The following SORCS1 variants were observed in gnomAD, a reference collection of about 807,000 sequenced individuals.
SORCS1 encodes the protein VPS10 domain-containing receptor SorCS1.
In SORCS1, 60 loss-of-function variants were observed where a neutral mutation model predicts 146.1. The ratio of observed to expected loss-of-function variants is 0.41; its 90% CI spans 0.33 to 0.51. SORCS1 has a LOEUF of 0.51. Among genes scored for constraint, SORCS1 ranks in the 20% least tolerant of loss-of-function variants. SORCS1 has a pLI of 0.21. For synonymous variants in SORCS1, 637 were observed against 584.0 expected (o/e 1.09, Z -1.31); for missense variants, 1,352 against 1,487.6 (o/e 0.91, Z 1.50).
At chr10:106,965,107 T>TCCCC (rs1208928064) in intron 1 of SORCS1, among the ~76,000 whole-genome samples, 21 of 152,054 alleles carry the variant, frequency 1.4e-4, no homozygotes, top group Middle Eastern at 6.8e-3. Context: ...TGTCCACGTG[T>TCCCC]CCCCTCTGAC....
At position 106,710,532 on chromosome 10, in the gene SORCS1, C is replaced by T. The variant is rs1289755277; in HGVS notation, c.1025-1191G>A. Reference sequence around the variant, plus strand: ...GAATCAGTTGAGACCCTGGATCTCACCTGGTGATAAATACAACATCAGTAA... The same window carrying T: ...GAATCAGTTGAGACCCTGGATCTCATCTGGTGATAAATACAACATCAGTAA... On this transcript the variant is annotated intron_variant, in intron 6 of 25. Coordinates refer to ENST00000263054, the MANE Select transcript of SORCS1 (RefSeq NM_052918.5). Among the ~76,000 whole-genome samples, 7 of 152,002 alleles carry T rather than the reference C, an allele frequency of 4.6e-5. No homozygotes were observed. The South Asian group carries it at 1.2e-3, about 27-fold the overall frequency.
intron 2 of SORCS1, among the ~76,000 whole-genome samples, chr10:106,855,938 C>T (rs1949768668): frequency 6.6e-6 from 1 of 152,068 alleles, no homozygotes; most frequent in South Asian, 2.1e-4. Context: ...GCCTGAACAG[C>T]TGACATGAGG....
At chr10:106,853,503 T>C (rs1174810203) in intron 2 of SORCS1, among the ~76,000 whole-genome samples, 1 of 151,996 alleles carries the variant, frequency 6.6e-6, no homozygotes, top group Non-Finnish European at 1.5e-5. Flanking sequence ...TTCTGCTTAT[T>C]ATCAATTTAA....
chr10:106,759,809 T>G (rs1470220866), intron 5 of SORCS1, among the ~76,000 whole-genome samples: 1 of 152,184 alleles, frequency 6.6e-6, no homozygotes, highest in Non-Finnish European at 1.5e-5. Context: ...ACATATATAG[T>G]TTATGTTTTG....
At chr10:106,814,914 C>CAA (rs779366731) in intron 3 of SORCS1, among the ~76,000 whole-genome samples, 23,631 of 65,276 alleles carry the variant, frequency 0.36, 5,147 homozygotes, top group Non-Finnish European at 0.39. Flanking sequence ...GACTCCATCT[C>CAA]AAAAAAAAAA....
chr10:106,935,505 T>TA (rs1323548680), intron 2 of SORCS1, among the ~76,000 whole-genome samples: 2 of 152,050 alleles, frequency 1.3e-5, no homozygotes, highest in African/African-American at 2.4e-5. Flanking sequence ...ATACATTTTT[T>TA]AAAAAAAATT....
At chr10:106,595,269 T>C (rs1484901598) in intron 24 of SORCS1, among the ~76,000 whole-genome samples, 1 of 152,192 alleles carries the variant, frequency 6.6e-6, no homozygotes, top group East Asian at 1.9e-4. Flanking sequence ...GTTGACAACA[T>C]TGCTTGGCCC....
chr10:106,990,181 A>C (rs1257083799), intron 1 of SORCS1, among the ~76,000 whole-genome samples: 1 of 152,204 alleles, frequency 6.6e-6, no homozygotes, highest in East Asian at 1.9e-4. Flanking sequence ...CTCTCCTAAC[A>C]TATCTCATCC....
chr10:106,782,993 A>T (rs1313170028), intron 3 of SORCS1, among the ~76,000 whole-genome samples: 1 of 152,216 alleles, frequency 6.6e-6, no homozygotes, highest in Non-Finnish European at 1.5e-5. Context: ...CATTCACACC[A>T]TGAGAAGAAA....
chr10:106,634,432 T>C (rs1848615427), intron 18 of SORCS1, among the ~76,000 whole-genome samples: 1 of 152,222 alleles, frequency 6.6e-6, no homozygotes, highest in Non-Finnish European at 1.5e-5. Context: ...TTATGTTTGA[T>C]ATAACAGAAA....
At chr10:106,625,200 C>CTGTGTGTGTGTGTGTGTG (rs3044907) in intron 19 of SORCS1, among the ~76,000 whole-genome samples, 3 of 140,038 alleles carry the variant, frequency 2.1e-5, no homozygotes, top group African/African-American at 2.6e-5. Flanking sequence ...TTGTGTGATT[C>CTGTGTGTGTGTGTGTGTG]TGTGTGTGTG....
At chr10:107,104,013 C>A (rs967459570) in intron 1 of SORCS1, among the ~76,000 whole-genome samples, 2 of 152,172 alleles carry the variant, frequency 1.3e-5, no homozygotes, top group Admixed American at 1.3e-4. Flanking sequence ...TTCGTCAGAA[C>A]CTTTTTGGAC....
intron 24 of SORCS1, among the ~76,000 whole-genome samples, chr10:106,580,866 T>C (rs567499773): frequency 6.6e-5 from 10 of 152,114 alleles, no homozygotes; most frequent in South Asian, 2.1e-4. Flanking sequence ...TCTCAGAAAA[T>C]AGTCATTTCA....
At chr10:107,099,496 T>C (rs766040695) in intron 1 of SORCS1, among the ~76,000 whole-genome samples, 3 of 152,188 alleles carry the variant, frequency 2.0e-5, no homozygotes, top group Non-Finnish European at 4.4e-5. Context: ...TAAATTTAAA[T>C]TAAGTCAAAT....
rs200554805 is a variant in SORCS1 at position 106,973,619 on chromosome 10, G to GA, written c.559-17040dup. Reference sequence around the variant, plus strand: ...AGAACTGCTGCTGCTGGCGGCTCTAGAAAAAAAAAATCTATTTTCTTGAAA... The same window carrying GA: ...AGAACTGCTGCTGCTGGCGGCTCTAGAAAAAAAAAAATCTATTTTCTTGAAA... On this transcript the variant is annotated intron_variant, in intron 1 of 25. Coordinates refer to ENST00000263054, the MANE Select transcript of SORCS1 (RefSeq NM_052918.5). Among the ~76,000 whole-genome samples the GA allele has an allele frequency of 1.8e-3, 268 of 150,188 alleles. 1 individual carries two copies. Among genetic ancestry groups the GA allele is most frequent in the African/African-American group, 3.7e-3 (150 of 41,018 alleles).
chr10:106,988,860 G>A (rs377756119), intron 1 of SORCS1, among the ~76,000 whole-genome samples: 1 of 152,108 alleles, frequency 6.6e-6, no homozygotes, highest in Non-Finnish European at 1.5e-5. Context: ...AGTATACTAA[G>A]CAAAGTGGTA....
chr10:106,619,315 T>A (rs925745443), intron 20 of SORCS1, among the ~76,000 whole-genome samples: 25 of 152,206 alleles, frequency 1.6e-4, no homozygotes, highest in Non-Finnish European at 3.7e-4. Flanking sequence ...GGGTCTCTTT[T>A]CAGTTTAGTT....
chr10:106,822,917 ATTACAGGCACCT>A (rs1948124827), intron 3 of SORCS1, among the ~76,000 whole-genome samples: 1 of 150,238 alleles, frequency 6.7e-6, no homozygotes, highest in Non-Finnish European at 1.5e-5. Flanking sequence ...AGTAGCTGGG[ATTACAGGCACCT>A]GCCACCGCAC....
chr10:106,678,136 C>G (rs1331675655), intron 12 of SORCS1, among the ~76,000 whole-genome samples: 1 of 152,156 alleles, frequency 6.6e-6, no homozygotes, highest in Non-Finnish European at 1.5e-5. Context: ...GTAGCCTTGC[C>G]TGGAGTTACA....
Sources: gnomAD v4.1 joint callset for allele counts (sites outside exome capture counted in the v4.1 genomes callset) on GRCh38, gnomAD v4.1.1 for gene constraint, MANE v1.5 for transcripts, NCBI Gene and HGNC (gene_info 2026-07-23, HGNC 2026-07-21) for gene names.